ZNF777: variants seen among roughly 807,000 people sequenced by gnomAD.
ZNF777 encodes zinc finger protein 777.
A neutral mutation model predicts 72.1 loss-of-function variants in ZNF777; 7 were observed. That is an observed-to-expected ratio of 0.10 (90% CI 0.06 to 0.18). The LOEUF (loss-of-function observed/expected upper bound fraction) is 0.18, where lower values mean the gene tolerates loss of function less well. ZNF777 is among the 10% of genes least tolerant of loss of function. The probability of loss-of-function intolerance (pLI) is 1.00; values close to 1 mark genes in which losing one functional copy is unlikely to be tolerated. For missense variants in ZNF777, 828 were observed against 1,128.6 expected, an observed-to-expected ratio of 0.73 and a Z score of 3.82; for synonymous variants, 545 against 483.5, an observed-to-expected ratio of 1.13 and a Z score of -1.67.
intron 4 of ZNF777, among the ~76,000 whole-genome samples, chr7:149,448,304 A>G (rs1455560190): frequency 6.6e-6 from 1 of 151,098 alleles, no homozygotes; most frequent in Non-Finnish European, 1.5e-5. Context: ...CATCTCTACT[A>G]AAGAAAAGTA....
chr7:149,446,737 C>T (rs1799610085), intron 4 of ZNF777, among the ~76,000 whole-genome samples: 1 of 152,008 alleles, frequency 6.6e-6, no homozygotes, highest in Admixed American at 6.6e-5. Flanking sequence ...TTTCCACTCC[C>T]CCACAGCTAC....
At chr7:149,444,291 A>G (rs1799570474) in intron 4 of ZNF777, among the ~76,000 whole-genome samples, 1 of 152,208 alleles carries the variant, frequency 6.6e-6, no homozygotes, top group Non-Finnish European at 1.5e-5. Flanking sequence ...ACGACTAATT[A>G]TCATGAACTT....
At chr7:149,433,784 C>T (rs551535540) in intron 5 of ZNF777, among the ~76,000 whole-genome samples, 24 of 152,220 alleles carry the variant, frequency 1.6e-4, no homozygotes, top group Non-Finnish European at 2.6e-4. Context: ...GGGATGCCCC[C>T]TCAACTCTCT....
In ZNF777 at chr7:149,444,829, T is replaced by C. The variant is rs531415392; in HGVS notation, c.1087+6170A>G. Among the ~76,000 whole-genome samples, 141 of 152,364 alleles carry C rather than the reference T, an allele frequency of 9.3e-4. 1 individual carries two copies. Among genetic ancestry groups the C allele is most frequent in the Admixed American group, 1.2e-3 (18 of 15,300 alleles). On this transcript the variant is annotated intron_variant, in intron 4 of 5. Transcript: ENST00000247930. ...TAGGATTTCCTTTGTTCTCAGTTGCTCTGAAATTCCGTGCTGAAAGTGTAG... is the reference window on the plus strand; with the variant it reads ...TAGGATTTCCTTTGTTCTCAGTTGCCCTGAAATTCCGTGCTGAAAGTGTAG...
chr7:149,457,474 T>C (rs559009458), intron 1 of ZNF777, among the ~76,000 whole-genome samples: 4 of 152,344 alleles, frequency 2.6e-5, no homozygotes, highest in East Asian at 1.9e-4. Flanking sequence ...AAATGCCGGC[T>C]GAAGAGTAAA....
At position 149,448,485 on chromosome 7, in the gene ZNF777, C is replaced by CTATATATATATATATATATATA. The variant is rs61005836; in HGVS notation, c.1087+2492_1087+2513dup. On this transcript the variant is annotated intron_variant, in intron 4 of 5. Coordinates refer to ENST00000247930, the MANE Select transcript of ZNF777 (RefSeq NM_015694.3). ...GCTCCATCTCAAAAACAAAACAAAACTATATATATATATATATATATATAT... is the reference window on the plus strand; with the variant it reads ...GCTCCATCTCAAAAACAAAACAAAACTATATATATATATATATATATATATATATATATATATATATATATAT... Among the ~76,000 whole-genome samples the CTATATATATATATATATATATA allele has an allele frequency of 1.1e-3, 111 of 104,582 alleles. 1 individual carries two copies. Among genetic ancestry groups the CTATATATATATATATATATATA allele is most frequent in the Middle Eastern group, 4.0e-3 (1 of 248 alleles). The allele number at this position is 104,582 out of a possible 152,430, so 68.6% of individuals were successfully genotyped here.
intron 2 of ZNF777, 50 bp from the exon 3 acceptor site, chr7:149,454,287 G>A: frequency 6.2e-7 from 1 of 1,608,928 alleles, no homozygotes; most frequent in Non-Finnish European, 8.5e-7. Context: ...GCAGTGACAG[G>A]CCCACGGCTG....
At chr7:149,445,838 C>G (rs1427341307) in intron 4 of ZNF777, among the ~76,000 whole-genome samples, 1 of 152,180 alleles carries the variant, frequency 6.6e-6, no homozygotes, top group Non-Finnish European at 1.5e-5. Context: ...TAAGCGGTCT[C>G]TTTAAAAGAT....
chr7:149,447,901 C>G (rs1417837050), intron 4 of ZNF777, among the ~76,000 whole-genome samples: 1 of 152,118 alleles, frequency 6.6e-6, no homozygotes, highest in Non-Finnish European at 1.5e-5. Flanking sequence ...AGTCGCTCCA[C>G]AGGAGTTAAG....
chr7:149,436,974 T>C lies in ZNF777; in HGVS notation c.1088-148A>G. The C allele has an allele frequency of 9.8e-7, 1 of 1,024,924 alleles. No individual in the cohort carries two copies. Among genetic ancestry groups the C allele is most frequent in the South Asian group, 1.9e-5 (1 of 53,958 alleles). The allele number at this position is 1,024,924 out of a possible 1,614,324, so 63.5% of individuals were successfully genotyped here. ...AATGTAATATTGAGTTGGAAATGAGTAGACACAGAATTTTCTGGACACCTT... is the reference window on the plus strand; with the variant it reads ...AATGTAATATTGAGTTGGAAATGAGCAGACACAGAATTTTCTGGACACCTT... On this transcript the variant is annotated intron_variant, in intron 4 of 5. Coordinates refer to ENST00000247930, the MANE Select transcript of ZNF777 (RefSeq NM_015694.3). This position sits in a 1 kb window ranked among gnomAD's most constrained non-coding sequence, Gnocchi z 5.0.
intron 1 of ZNF777, among the ~76,000 whole-genome samples, chr7:149,456,645 A>G (rs1355607557): frequency 6.6e-6 from 1 of 152,218 alleles, no homozygotes; most frequent in African/African-American, 2.4e-5. Flanking sequence ...CTTGGCATCC[A>G]GCCACCACCA....
intron 5 of ZNF777, among the ~76,000 whole-genome samples, chr7:149,435,493 C>T (rs906252784): frequency 3.9e-5 from 6 of 151,934 alleles, no homozygotes; most frequent in African/African-American, 1.5e-4. Flanking sequence ...TTTTGACCAA[C>T]GAGATGGTCA....
At position 149,431,812 on chromosome 7, in the gene ZNF777, C is replaced by T. The variant is rs762198315; in HGVS notation, c.2460G>A (p.Ser820=). Residue 820 remains serine, a synonymous_variant, in exon 6 of 6, where the codon TCG becomes TCA. Transcript: ENST00000247930. The part of the protein sequence containing the change: ...HCAKCFRYKQ[S]LKYHLRTHTG... ...TGTGGGTCCGCAGGTGGTACTTGAG[C>T]GACTGCTTGTAGCGGAAGCACTTGG... 9.4e-6 allele frequency: 15 copies of T among 1,600,890 alleles called. No individual in the cohort carries two copies. Among genetic ancestry groups the T allele is most frequent in the African/African-American group, 1.3e-5 (1 of 74,806 alleles).
In ZNF777 at chr7:149,460,002, C is replaced by T. The variant is rs1251079838; in HGVS notation, c.-16+813G>A. On this transcript the variant is annotated intron_variant, in intron 1 of 5. Coordinates refer to ENST00000247930, the MANE Select transcript of ZNF777 (RefSeq NM_015694.3). The surrounding 1 kb of genome is among the most constrained non-coding windows in gnomAD (Gnocchi z 6.1). ...CTCCAGGGCGCCCCCACCCCCCGCGCCAACGTCGTAGCGTTTCTGCCCCTT... is the reference window on the plus strand; with the variant it reads ...CTCCAGGGCGCCCCCACCCCCCGCGTCAACGTCGTAGCGTTTCTGCCCCTT... 1.6e-5 allele frequency: 15 copies of T among 964,992 alleles called. No homozygotes were observed. The highest frequency in any genetic ancestry group is 1.8e-5 in the Non-Finnish European group (15 of 812,636). The allele number at this position is 964,992 out of a possible 1,614,324, so 59.8% of individuals were successfully genotyped here.
chr7:149,458,982 A>T lies in ZNF777; in HGVS notation c.-16+1833T>A, dbSNP rs1045216392. Among the ~76,000 whole-genome samples the T allele has an allele frequency of 4.3e-4, 65 of 152,326 alleles. No homozygotes were observed. The East Asian group carries it at 7.5e-3, about 18-fold the overall frequency. On this transcript the variant is annotated intron_variant, in intron 1 of 5. Coordinates refer to ENST00000247930, the MANE Select transcript of ZNF777 (RefSeq NM_015694.3). ...ATGCCACATTAGCAGAAGCATCCAT[A>T]ACCACAGTATCTGACTTATTAAGAA...
Position 149,435,024 on chromosome 7 carries a change from T to C in ZNF777, c.1339+1551A>G, listed in dbSNP as rs753955324. Among the ~76,000 whole-genome samples, 13 of 152,330 alleles carry C rather than the reference T, an allele frequency of 8.5e-5. 1 individual carries two copies. The highest frequency in any genetic ancestry group is 7.7e-4 in the East Asian group (4 of 5,186). ...TTAATGGGGACTGCTCAAAAGGCAATAGAGTTTATACGATGATGGTCCCAA... is the reference window on the plus strand; with the variant it reads ...TTAATGGGGACTGCTCAAAAGGCAACAGAGTTTATACGATGATGGTCCCAA... On this transcript the variant is annotated intron_variant, in intron 5 of 5. Coordinates refer to ENST00000247930, the MANE Select transcript of ZNF777 (RefSeq NM_015694.3).
intron 4 of ZNF777, among the ~76,000 whole-genome samples, chr7:149,449,917 C>T (rs1201009069): frequency 3.3e-5 from 5 of 152,192 alleles, no homozygotes; most frequent in Admixed American, 3.3e-4. Context: ...CTGTCTCTCC[C>T]AGAAGTCACC....
rs749950142 is a variant in ZNF777 at position 149,431,751 on chromosome 7, C to A, written c.*25G>T. The A allele has an allele frequency of 7.0e-7, 1 of 1,421,126 alleles. No individual in the cohort carries two copies. Among genetic ancestry groups the A allele is most frequent in the African/African-American group, 1.5e-5 (1 of 65,924 alleles). 88.0% of individuals were successfully genotyped at this position (1,421,126 alleles called of 1,614,324 possible). A position where few individuals can be genotyped will look rare whatever the true frequency, so the allele number is the denominator to read the frequency against. On this transcript the variant is annotated 3_prime_UTR_variant, in exon 6 of 6. Transcript: ENST00000247930. The stretch of plus-strand genomic sequence containing the variant: ...GGGGGGCACGGCCCGCGCACCTGGC[C>A]GGGCGGCGGCGGCGGGGCGCGCGCT...
rs758027729 is a variant in ZNF777, at chr7:149,432,021, C to T, written c.2251G>A (p.Ala751Thr). The T allele has an allele frequency of 7.5e-6, 12 of 1,604,456 alleles. No individual in the cohort carries two copies. The highest frequency in any genetic ancestry group is 1.0e-5 in the Non-Finnish European group (12 of 1,178,304). The change falls in exon 6 of 6, where the codon GCC (alanine) becomes ACC (threonine). Residue 751 changes from alanine to threonine, a missense_variant. Physicochemically the swap from Ala to Thr is moderately conservative, Grantham distance 58. Around this residue, in one of 12 missense-constraint regions of ZNF777, gnomAD observed 49 missense variants for 135.8 expected, o/e 0.36. Coordinates refer to ENST00000247930, the MANE Select transcript of ZNF777 (RefSeq NM_015694.3). ...CRVHSRERPHACPECGKSFIR... is the reference protein window; with the variant it reads ...CRVHSRERPHTCPECGKSFIR... ...AAGCTCTTGCCGCACTCGGGGCAGG[C>T]GTGCGGCCGCTCGCGCGAGTGCACG...
Sources: allele counts gnomAD v4.1 joint callset (sites outside exome capture counted in the v4.1 genomes callset), GRCh38; gene constraint gnomAD v4.1.1; regional missense constraint gnomAD v4.1.1; non-coding constraint Gnocchi (gnomAD v3.1); transcripts MANE v1.5; gene names NCBI Gene and HGNC (gene_info 2026-07-23, HGNC 2026-07-21).